NRCAM: variants seen among roughly 807,000 people sequenced by gnomAD.
The protein encoded by NRCAM is NgCAM-related cell adhesion molecule.
NRCAM carries 83 observed loss-of-function variants against 156.5 expected under a neutral mutation model. The ratio of observed to expected loss-of-function variants is 0.53; its 90% confidence interval spans 0.44 to 0.64. The LOEUF (loss-of-function observed/expected upper bound fraction) is 0.64, where lower values mean the gene tolerates loss of function less well. NRCAM is among the 30% of genes least tolerant of loss of function. The probability of loss-of-function intolerance (pLI) is 0.00; values close to 1 mark genes in which losing one functional copy is unlikely to be tolerated. For missense variants in NRCAM, 1,417 were observed against 1,597.3 expected (o/e 0.89, Z 1.92); for synonymous variants, 538 against 563.9 (o/e 0.95, Z 0.65).
intron 2 of NRCAM, among the ~76,000 whole-genome samples, chr7:108,392,768 T>G (rs2099764595): frequency 6.6e-6 from 1 of 152,186 alleles, no homozygotes; most frequent in Non-Finnish European, 1.5e-5. Context: ...CGTTTCTGTT[T>G]GTTAGTTTTC....
chr7:108,266,819 A>T (rs1475588234), intron 3 of NRCAM, among the ~76,000 whole-genome samples: 3 of 152,240 alleles, frequency 2.0e-5, no homozygotes, highest in Non-Finnish European at 2.9e-5. Context: ...ACGATTGAGG[A>T]CAAAGGAAAA....
chr7:108,267,792 G>C (rs2097164271), intron 3 of NRCAM, among the ~76,000 whole-genome samples: 1 of 152,082 alleles, frequency 6.6e-6, no homozygotes, highest in Non-Finnish European at 1.5e-5. Flanking sequence ...AAAAGCTCAA[G>C]GGTAAAATAG....
chr7:108,431,166 G>T (rs1392076320), intron 1 of NRCAM, among the ~76,000 whole-genome samples: 1 of 152,188 alleles, frequency 6.6e-6, no homozygotes, highest in African/African-American at 2.4e-5. Flanking sequence ...TATGTCAGCA[G>T]GGAAAATGAA....
At chr7:108,274,504 G>T (rs1237508958) in intron 3 of NRCAM, among the ~76,000 whole-genome samples, 1 of 152,104 alleles carries the variant, frequency 6.6e-6, no homozygotes. Context: ...TGTAGTAATT[G>T]TGAATGGGAG....
At chr7:108,298,282 T>C (rs1345064873) in intron 3 of NRCAM, among the ~76,000 whole-genome samples, 3 of 151,882 alleles carry the variant, frequency 2.0e-5, no homozygotes, top group Admixed American at 6.6e-5. Context: ...TATGAGGAGA[T>C]AGTTTTAGGG....
chr7:108,150,428 T>A (rs2040620047), intron 32 of NRCAM, among the ~76,000 whole-genome samples: 1 of 152,180 alleles, frequency 6.6e-6, no homozygotes, highest in Non-Finnish European at 1.5e-5. Flanking sequence ...AATCCAGAAA[T>A]AATCACAAGC....
chr7:108,290,491 T>C (rs1171436475), intron 3 of NRCAM, among the ~76,000 whole-genome samples: 4 of 152,164 alleles, frequency 2.6e-5, no homozygotes, highest in African/African-American at 9.7e-5. Flanking sequence ...AAAGGAATCA[T>C]TTAGATCCTT....
intron 32 of NRCAM, among the ~76,000 whole-genome samples, chr7:108,153,273 G>C (rs935037038): frequency 2.6e-5 from 4 of 151,998 alleles, no homozygotes; most frequent in African/African-American, 9.7e-5. Context: ...TTTATTCCAA[G>C]AATGCAGGCT....
chr7:108,259,038 C>A (rs183327726), intron 3 of NRCAM, among the ~76,000 whole-genome samples: 1 of 152,180 alleles, frequency 6.6e-6, no homozygotes, highest in African/African-American at 2.4e-5. Context: ...AATTTGAGTG[C>A]CCAACAGCCA....
intron 3 of NRCAM, among the ~76,000 whole-genome samples, chr7:108,289,846 T>A (rs1277115710): frequency 6.6e-6 from 1 of 152,146 alleles, no homozygotes; most frequent in Non-Finnish European, 1.5e-5. Context: ...GCCCACTGAA[T>A]AGAAACTTTG....
At chr7:108,178,144 A>T (rs1586625995) in intron 25 of NRCAM, 32 bp from the exon 26 acceptor site, 2 of 1,601,624 alleles carry the variant, frequency 1.2e-6, no homozygotes, top group East Asian at 4.5e-5. Flanking sequence ...CAACACAAAG[A>T]TTTCTGAATG....
chr7:108,197,915 T>C, intron 14 of NRCAM, 41 bp downstream of exon 14: 7 of 1,482,170 alleles, frequency 4.7e-6, no homozygotes, highest in Non-Finnish European at 6.3e-6. Context: ...ACAGCAGTCA[T>C]TAATTTAATT....
rs144884215 is a variant in NRCAM at position 108,163,253 on chromosome 7, A to G, written c.3467-2761T>C. On this transcript the variant is annotated intron_variant, in intron 30 of 32. Coordinates refer to ENST00000379028, the MANE Select transcript of NRCAM (RefSeq NM_001037132.4). ...AGAACATGAAAACAGAAAATATGGC[A>G]GGAGAATGAGATTTGCTTTGTTTTC... Among the ~76,000 whole-genome samples, 5 of 152,340 alleles carry G rather than the reference A, an allele frequency of 3.3e-5. No individual in the cohort carries two copies. In the East Asian group the frequency reaches 7.7e-4, roughly 23 times the overall value.
At chr7:108,288,749 G>A (rs192792704) in intron 3 of NRCAM, among the ~76,000 whole-genome samples, 353 of 152,174 alleles carry the variant, frequency 2.3e-3, no homozygotes, top group African/African-American at 8.0e-3. Flanking sequence ...TCCAGTAACA[G>A]TAGGGAAAGT....
intron 11 of NRCAM, among the ~76,000 whole-genome samples, chr7:108,221,812 A>T (rs1311238579): frequency 6.6e-6 from 1 of 152,136 alleles, no homozygotes; most frequent in Non-Finnish European, 1.5e-5. Context: ...AACTTACTCC[A>T]CTAAATAACT....
At chr7:108,338,574 GAC>G (rs2099234353) in intron 2 of NRCAM, among the ~76,000 whole-genome samples, 1 of 151,924 alleles carries the variant, frequency 6.6e-6, no homozygotes, top group Non-Finnish European at 1.5e-5. Flanking sequence ...GACAGAGTGA[GAC>G]ACAGAGAGAG....
chr7:108,366,039 TGAAGG>T (rs1269022461), intron 2 of NRCAM, among the ~76,000 whole-genome samples: 2 of 152,172 alleles, frequency 1.3e-5, no homozygotes, highest in African/African-American at 4.8e-5. Context: ...TAGAAGGGCT[TGAAGG>T]AGTGGGCTTG....
At chr7:108,310,893 A>G (rs2098793735) in intron 3 of NRCAM, among the ~76,000 whole-genome samples, 1 of 152,218 alleles carries the variant, frequency 6.6e-6, no homozygotes, top group Non-Finnish European at 1.5e-5. Flanking sequence ...TGTATTGAGA[A>G]AAGAAGAATC....
intron 10 of NRCAM, among the ~76,000 whole-genome samples, chr7:108,224,507 C>T (rs1269627): frequency 0.78 from 119,054 of 152,002 alleles, 46,733 homozygotes; most frequent in East Asian, 0.87. Flanking sequence ...GGGATAGTTA[C>T]ACAGGCCATC....
Sources: allele counts gnomAD v4.1 joint callset (sites outside exome capture counted in the v4.1 genomes callset), GRCh38; gene constraint gnomAD v4.1.1; transcripts MANE v1.5; gene names NCBI Gene and HGNC (gene_info 2026-07-23, HGNC 2026-07-21).